Variants in TRANK1 observed in about 807,000 individuals in gnomAD.
TRANK1 encodes TPR and ankyrin repeat-containing protein 1.
A neutral mutation model predicts 266.0 loss-of-function variants in TRANK1; 198 were observed. The ratio of observed to expected loss-of-function variants is 0.74; its 90% CI spans 0.66 to 0.84. The LOEUF is 0.84. Ranked by LOEUF, TRANK1 falls within the 40% of genes least tolerant of loss-of-function variation. TRANK1 has a pLI of 0.00. For synonymous variants in TRANK1, 1,396 were observed against 1,384.1 expected, an observed-to-expected ratio of 1.01 and a Z score of -0.19; for missense variants, 3,326 against 3,634.6, an observed-to-expected ratio of 0.92 and a Z score of 2.18.
chr3:36,892,673 T>TA (rs2079718567), intron 6 of TRANK1, among the ~76,000 whole-genome samples: 1 of 151,834 alleles, frequency 6.6e-6, no homozygotes, highest in South Asian at 2.1e-4. Context: ...TACCAAAAAA[T>TA]ACAACAATTA....
intron 1 of TRANK1, among the ~76,000 whole-genome samples, chr3:36,931,235 G>A (rs1028247082): frequency 6.6e-6 from 1 of 151,374 alleles, no homozygotes; most frequent in African/African-American, 2.4e-5. Context: ...AAATTAAAGT[G>A]CAGCACCCCC....
chr3:36,852,449 C>A, intron 13 of TRANK1, 104 bp from the exon 14 acceptor site: 1 of 1,086,164 alleles, frequency 9.2e-7, no homozygotes, highest in Admixed American at 2.9e-5. Context: ...AGGTTTGGCC[C>A]CTACAGTATG....
At chr3:36,842,500 C>G in intron 18 of TRANK1, 122 bp downstream of exon 18, 1 of 817,042 alleles carries the variant, frequency 1.2e-6, no homozygotes, top group Non-Finnish European at 2.0e-6. Flanking sequence ...TGTTTCAGAA[C>G]ACGTGGCACA....
At chr3:36,914,450 C>CTTT (rs10644293) in intron 1 of TRANK1, among the ~76,000 whole-genome samples, 30,988 of 137,520 alleles carry the variant, frequency 0.23, 3,802 homozygotes, top group Non-Finnish European at 0.27. Flanking sequence ...TGGTGTCTTC[C>CTTT]TTTTTTTTTT....
At chr3:36,852,711 A>T (rs2079000779) in intron 13 of TRANK1, among the ~76,000 whole-genome samples, 1 of 150,034 alleles carries the variant, frequency 6.7e-6, no homozygotes, top group Admixed American at 6.7e-5. Flanking sequence ...CGGAGGTTGC[A>T]GTAAGCCAAG....
chr3:36,944,106 C>T (rs2080536292), intron 1 of TRANK1, among the ~76,000 whole-genome samples: 1 of 152,160 alleles, frequency 6.6e-6, no homozygotes, highest in South Asian at 2.1e-4. Flanking sequence ...AGGCAACAGA[C>T]TCCGAGCTCC....
intron 18 of TRANK1, among the ~76,000 whole-genome samples, chr3:36,839,099 T>A (rs1256524773): frequency 6.6e-6 from 1 of 152,210 alleles, no homozygotes; most frequent in Non-Finnish European, 1.5e-5. Flanking sequence ...CCAGTGGCTC[T>A]TCTGGGCTTT....
chr3:36,838,955 T>C (rs1256880773), intron 18 of TRANK1, among the ~76,000 whole-genome samples: 2 of 152,232 alleles, frequency 1.3e-5, no homozygotes, highest in Admixed American at 1.3e-4. Flanking sequence ...AGGTACAGAA[T>C]ATGTATTTTT....
intron 1 of TRANK1, among the ~76,000 whole-genome samples, chr3:36,930,835 T>A (rs965303446): frequency 6.6e-6 from 1 of 152,120 alleles, no homozygotes; most frequent in African/African-American, 2.4e-5. Context: ...AGAATGGAAA[T>A]GTGTATTTTG....
intron 15 of TRANK1, chr3:36,850,653 C>T (rs2078973263): frequency 2.7e-5 from 22 of 826,092 alleles, no homozygotes; most frequent in Middle Eastern, 6.3e-4. Flanking sequence ...AATAAAAATA[C>T]ATATAACCTC....
chr3:36,911,409 T>G (rs569143106), intron 1 of TRANK1, among the ~76,000 whole-genome samples: 1 of 152,264 alleles, frequency 6.6e-6, no homozygotes, highest in South Asian at 2.1e-4. Context: ...ACAGACTCTT[T>G]AAGGGTTTAA....
At chr3:36,944,435 G>A (rs2080542277) in intron 1 of TRANK1, among the ~76,000 whole-genome samples, 1 of 152,202 alleles carries the variant, frequency 6.6e-6, no homozygotes, top group African/African-American at 2.4e-5. Context: ...TCGCTGGTCA[G>A]GAACCTGTCG....
rs746281195 is a variant in TRANK1 at position 36,852,333 on chromosome 3, A to C, written c.4562T>G (p.Leu1521Arg). 6.3e-7 allele frequency: 1 copy of C among 1,577,112 alleles called. No individual in the cohort carries two copies. The highest frequency in any genetic ancestry group is 8.6e-7 in the Non-Finnish European group (1 of 1,166,956). ...AAGTAAATCCACCACTCCAGATGCC[A>C]GATTGAGGATTCCTGGAATGAAACA... ...NYRSHSGILN[L>R]ASGVVDLLQF... Residue 1521 changes from leucine (L) to arginine (R), a missense_variant, in exon 14 of 24, where the codon CTG becomes CGG. Coordinates refer to ENST00000645898, the MANE Select transcript of TRANK1 (RefSeq NM_001329998.2).
intron 13 of TRANK1, among the ~76,000 whole-genome samples, chr3:36,853,014 T>C (rs539834442): frequency 5.9e-5 from 9 of 152,068 alleles, no homozygotes; most frequent in Non-Finnish European, 1.2e-4. Flanking sequence ...TAAGAAAAAA[T>C]GTCAGAGCAG....
At chr3:36,896,729 T>A (rs2079796185) in intron 4 of TRANK1, among the ~76,000 whole-genome samples, 1 of 152,192 alleles carries the variant, frequency 6.6e-6, no homozygotes, top group Admixed American at 6.5e-5. Context: ...GTGCAGTGGC[T>A]CACACCTGTA....
chr3:36,877,105 G>A (rs935089983), intron 8 of TRANK1, among the ~76,000 whole-genome samples: 5 of 152,168 alleles, frequency 3.3e-5, no homozygotes, highest in African/African-American at 1.2e-4. Flanking sequence ...GAAAGTTCTT[G>A]ATTCTCTATG....
At chr3:36,885,043 T>C (rs1310441876) in intron 8 of TRANK1, among the ~76,000 whole-genome samples, 1 of 151,906 alleles carries the variant, frequency 6.6e-6, no homozygotes, top group Non-Finnish European at 1.5e-5. Flanking sequence ...GATCTACCAA[T>C]AGATACCAAA....
At chr3:36,868,510 T>C (rs2079260212) in intron 9 of TRANK1, among the ~76,000 whole-genome samples, 1 of 152,210 alleles carries the variant, frequency 6.6e-6, no homozygotes, top group Admixed American at 6.5e-5. Flanking sequence ...AATCTTTTTA[T>C]AAGGTTTAAA....
intron 1 of TRANK1, among the ~76,000 whole-genome samples, chr3:36,936,368 C>T (rs1355851815): frequency 2.6e-5 from 4 of 151,696 alleles, no homozygotes; most frequent in African/African-American, 9.7e-5. Context: ...GCCTGTAGTC[C>T]CAGCTACTCA....
Sources: allele counts gnomAD v4.1 joint callset (sites outside exome capture counted in the v4.1 genomes callset), GRCh38; gene constraint gnomAD v4.1.1; transcripts MANE v1.5; gene names NCBI Gene and HGNC (gene_info 2026-07-23, HGNC 2026-07-21).